The following GALNTL6 variants were observed in gnomAD, a reference collection of about 807,000 sequenced individuals.
GALNTL6 encodes the protein polypeptide N-acetylgalactosaminyltransferase-like 6.
Under a neutral mutation model 73.7 loss-of-function variants are expected in GALNTL6, and 46 were observed. The ratio of observed to expected loss-of-function variants is 0.62; its 90% CI spans 0.49 to 0.80. The LOEUF (loss-of-function observed/expected upper bound fraction) is 0.80, where lower values mean the gene tolerates loss of function less well. GALNTL6 is among the 30% of genes least tolerant of loss of function. GALNTL6 has a pLI of 0.00. For synonymous variants in GALNTL6, 259 were observed against 263.7 expected (o/e 0.98, Z 0.17); for missense variants, 604 against 755.0 (o/e 0.80, Z 2.34).
intron 5 of GALNTL6, among the ~76,000 whole-genome samples, chr4:172,465,545 T>A (rs921598876): frequency 6.6e-5 from 10 of 152,176 alleles, no homozygotes; most frequent in Admixed American, 2.6e-4. Context: ...TGAGATTTTT[T>A]AAAAATTTAT....
At chr4:172,156,316 A>T (rs1463848063) in intron 2 of GALNTL6, among the ~76,000 whole-genome samples, 3 of 151,810 alleles carry the variant, frequency 2.0e-5, no homozygotes, top group Non-Finnish European at 4.4e-5. Flanking sequence ...GAGGGAGGAG[A>T]TATCCATTCC....
In GALNTL6 at chr4:172,320,464, G is replaced by T. The variant is rs1578952094; in HGVS notation, c.386+8712G>T. Among the ~76,000 whole-genome samples, 4 of 152,190 alleles carry T rather than the reference G, an allele frequency of 2.6e-5. No individual in the cohort carries two copies. The South Asian group carries it at 8.3e-4, about 31-fold the overall frequency. On this transcript the variant is annotated intron_variant, in intron 4 of 12. Coordinates refer to ENST00000506823, the MANE Select transcript of GALNTL6 (RefSeq NM_001034845.3). ...TGACTTCTTTGCAACGTTGCATAGA[G>T]AAGTTCAAACCTAAGGTCACGCTGA...
intron 10 of GALNTL6, among the ~76,000 whole-genome samples, chr4:173,003,078 G>A (rs1752117862): frequency 1.3e-5 from 2 of 152,122 alleles, no homozygotes; most frequent in African/African-American, 4.8e-5. Context: ...CATTTTGAAT[G>A]CACTTAATGC....
Position 172,818,285 on chromosome 4 carries a change from C to T in GALNTL6, c.923+4562C>T, listed in dbSNP as rs140576033. ...TGCAGGTTCCTAGCTATCATGCTTC[C>T]TTTTGCTAAATAGAAATAATCGATT... On this transcript the variant is annotated intron_variant, in intron 7 of 12. Transcript: ENST00000506823. Among the ~76,000 whole-genome samples, 281 of 152,284 alleles carry T rather than the reference C, an allele frequency of 1.8e-3. 2 individuals carry two copies. Among genetic ancestry groups the T allele is most frequent in the African/African-American group, 6.0e-3 (249 of 41,556 alleles).
intron 5 of GALNTL6, among the ~76,000 whole-genome samples, chr4:172,491,591 A>G (rs1481647152): frequency 2.0e-5 from 3 of 152,132 alleles, no homozygotes; most frequent in East Asian, 1.9e-4. Flanking sequence ...GTTTACCAGG[A>G]TGGTTGCTCT....
At chr4:171,957,692 C>T (rs1259441104) in intron 2 of GALNTL6, among the ~76,000 whole-genome samples, 1 of 152,098 alleles carries the variant, frequency 6.6e-6, no homozygotes, top group African/African-American at 2.4e-5. Context: ...TTAGTCTTGC[C>T]CTTCATTAGC....
intron 2 of GALNTL6, among the ~76,000 whole-genome samples, chr4:172,052,951 A>C (rs1338850564): frequency 2.6e-5 from 4 of 152,170 alleles, no homozygotes; most frequent in Non-Finnish European, 5.9e-5. Flanking sequence ...TAGTTACATG[A>C]AGTTGTGGTT....
At chr4:172,290,132 ATCTCTGCTGTGGGAT>A (rs1739412700) in intron 3 of GALNTL6, among the ~76,000 whole-genome samples, 1 of 152,132 alleles carries the variant, frequency 6.6e-6, no homozygotes. Context: ...TTTCTCTTTC[ATCTCTGCTGTGGGAT>A]TAGTCTGCTT....
chr4:172,289,386 A>C (rs2056034508), intron 3 of GALNTL6, among the ~76,000 whole-genome samples: 1 of 152,112 alleles, frequency 6.6e-6, no homozygotes, highest in African/African-American at 2.4e-5. Flanking sequence ...GCTCCTCCTC[A>C]CATTTGAAAA....
chr4:171,971,041 T>A (rs894841149), intron 2 of GALNTL6, among the ~76,000 whole-genome samples: 1 of 152,324 alleles, frequency 6.6e-6, no homozygotes, highest in South Asian at 2.1e-4. Flanking sequence ...AATAAGCTCC[T>A]GCATGGAGGA....
chr4:172,896,428 C>T (rs1746335608), intron 8 of GALNTL6, among the ~76,000 whole-genome samples: 1 of 152,166 alleles, frequency 6.6e-6, no homozygotes, highest in African/African-American at 2.4e-5. Context: ...CCAGACAGAC[C>T]TGGGGAATGC....
intron 12 of GALNTL6, among the ~76,000 whole-genome samples, 187 bp from the exon 13 acceptor site, chr4:173,039,746 T>C (rs1173700227): frequency 1.3e-5 from 2 of 152,228 alleles, no homozygotes; most frequent in Non-Finnish European, 2.9e-5. Flanking sequence ...ATAGTGCCAA[T>C]ACAGCCTACA....
intron 2 of GALNTL6, among the ~76,000 whole-genome samples, chr4:171,875,326 C>T (rs1452372175): frequency 1.3e-5 from 2 of 152,162 alleles, no homozygotes; most frequent in African/African-American, 4.8e-5. Context: ...AGAAAGTTCT[C>T]TGTTGGGTTT....
At chr4:172,213,381 G>A (rs753456815) in intron 2 of GALNTL6, among the ~76,000 whole-genome samples, 1 of 152,102 alleles carries the variant, frequency 6.6e-6, no homozygotes, top group African/African-American at 2.4e-5. Flanking sequence ...TTGTCTATCA[G>A]CAATAAAGGA....
At chr4:173,021,453 T>C (rs1231494808) in intron 11 of GALNTL6, 23 bp from the exon 12 acceptor site, 2 of 1,613,578 alleles carry the variant, frequency 1.2e-6, no homozygotes, top group Non-Finnish European at 1.7e-6. Context: ...ACTGCAGCTT[T>C]TCTGCTACTG....
chr4:172,668,653 C>A (rs1485471519), intron 5 of GALNTL6: 1 of 152,130 alleles, frequency 6.6e-6, no homozygotes, highest in Non-Finnish European at 1.5e-5. Flanking sequence ...ATTAGCTTCA[C>A]AATCTATTGG....
At chr4:172,581,971 G>A (rs1416018086) in intron 5 of GALNTL6, among the ~76,000 whole-genome samples, 4 of 152,148 alleles carry the variant, frequency 2.6e-5, no homozygotes, top group Admixed American at 6.5e-5. Context: ...TCATATCAGC[G>A]TTTTGTTCTT....
In GALNTL6 at chr4:172,527,137, A is replaced by G. The variant is rs142855537; in HGVS notation, c.553+178448A>G. Among the ~76,000 whole-genome samples, 589 of 152,336 alleles carry G rather than the reference A, an allele frequency of 3.9e-3. 10 individuals carry two copies. Among genetic ancestry groups the G allele is most frequent in the Admixed American group, 0.015 (232 of 15,300 alleles). On this transcript the variant is annotated intron_variant, in intron 5 of 12. Coordinates refer to ENST00000506823, the MANE Select transcript of GALNTL6 (RefSeq NM_001034845.3). ...GTAAGAACAACATGCAAGGTAAATC[A>G]GGTAATTTTAAAGTAATTTCTTTGC...
intron 11 of GALNTL6, among the ~76,000 whole-genome samples, chr4:173,020,008 T>C (rs1230237339): frequency 1.3e-5 from 2 of 152,256 alleles, no homozygotes; most frequent in Non-Finnish European, 2.9e-5. Context: ...AGGGTTTCCC[T>C]GACAGCTCTT....
Sources: allele counts gnomAD v4.1 joint callset (sites outside exome capture counted in the v4.1 genomes callset), GRCh38; gene constraint gnomAD v4.1.1; transcripts MANE v1.5; gene names NCBI Gene and HGNC (gene_info 2026-07-23, HGNC 2026-07-21).